Variants in ZBBX observed in about 807,000 individuals in gnomAD.
ZBBX encodes zinc finger B-box domain-containing protein 1.
ZBBX carries 101 observed loss-of-function variants against 108.5 expected under a neutral mutation model. The observed-to-expected ratio is 0.93, with a 90% CI of 0.79 to 1.10. The LOEUF is 1.10. Among genes scored for constraint, ZBBX ranks in the 50% least tolerant of loss-of-function variants. The probability of loss-of-function intolerance (pLI) is 0.00; values close to 1 mark genes in which losing one functional copy is unlikely to be tolerated. For synonymous variants in ZBBX, 356 were observed against 323.4 expected (o/e 1.10, Z -1.08); for missense variants, 1,009 against 941.4 (o/e 1.07, Z -0.94).
In ZBBX at chr3:167,350,490, T is replaced by C; in HGVS notation, c.458A>G (p.Tyr153Cys). The C allele has an allele frequency of 6.3e-7, 1 of 1,591,360 alleles. No homozygotes were observed. Reference sequence around the variant, plus strand: ...AACTTTAGCAAAGCATCCTGAACAATAATCTTCTCCACATTCAAGGCATAC... The same window carrying C: ...AACTTTAGCAAAGCATCCTGAACAACAATCTTCTCCACATTCAAGGCATAC... ...LLVCLECGED[Y>C]CSGCFAKVHQ... Residue 153 changes from tyrosine to cysteine, a missense_variant, in exon 9 of 22, where the codon TAT (tyrosine) becomes TGT (cysteine). Tyr to Cys is a radical substitution (Grantham distance 194, BLOSUM62 -2). Transcript: ENST00000675490.
chr3:167,316,878 G>A, intron 14 of ZBBX, 127 bp downstream of exon 14: 1 of 515,636 alleles, frequency 1.9e-6, no homozygotes, highest in Non-Finnish European at 3.3e-6. Context: ...CCAAACACTT[G>A]TAAATTTCCT....
intron 20 of ZBBX, 21 bp downstream of exon 20, chr3:167,282,217 T>C: frequency 6.3e-7 from 1 of 1,587,986 alleles, no homozygotes; most frequent in Non-Finnish European, 8.6e-7. Flanking sequence ...TTATCTAAAG[T>C]GAAAAAAAAA....
At chr3:167,186,425 G>T in the ZBBX span, among the ~76,000 whole-genome samples, 1 of 152,096 alleles carries the variant, frequency 6.6e-6, no homozygotes, top group East Asian at 1.9e-4. Flanking sequence ...AGAGAGGGAA[G>T]AAGGGATGGA....
chr3:167,305,737 T>A lies in ZBBX; in HGVS notation c.1631A>T (p.Glu544Val), dbSNP rs747876325. 6.2e-7 allele frequency: 1 copy of A among 1,612,420 alleles called. No individual in the cohort carries two copies. The highest frequency in any genetic ancestry group is 8.5e-7 in the Non-Finnish European group (1 of 1,179,328). ...TTCTTTGATGTCTTGAGATAATTTC[T>A]CCTCAATGGGAGCTTTTTCTAAATC... ...GRDLEKAPIE[E>V]KLSQDIKESL... Residue 544 changes from glutamate (E) to valine (V), a missense_variant, in exon 17 of 22, where the codon GAG becomes GTG. By Grantham distance (121) the Glu-to-Val change is moderately radical. Transcript: ENST00000675490.
chr3:167,358,138 G>C (rs1466599813), intron 8 of ZBBX, among the ~76,000 whole-genome samples: 6 of 151,364 alleles, frequency 4.0e-5, no homozygotes, highest in Non-Finnish European at 8.8e-5. Flanking sequence ...TGCACATTGT[G>C]CACATGTACC....
chr3:167,397,574 G>A (rs934648814), intron 1 of ZBBX, among the ~76,000 whole-genome samples: 2 of 151,864 alleles, frequency 1.3e-5, no homozygotes, highest in Non-Finnish European at 2.9e-5. Flanking sequence ...TGACCAGCAA[G>A]AAGTCAGAGG....
At chr3:167,219,301 C>A in the ZBBX span, among the ~76,000 whole-genome samples, 8 of 151,910 alleles carry the variant, frequency 5.3e-5, no homozygotes, top group African/African-American at 1.7e-4. Context: ...TTACGGAACA[C>A]TTTATCCAAA....
At chr3:167,291,025 C>T (rs565860612) in intron 18 of ZBBX, among the ~76,000 whole-genome samples, 10 of 152,002 alleles carry the variant, frequency 6.6e-5, no homozygotes, top group Admixed American at 3.9e-4. Flanking sequence ...GTGAAAGAAA[C>T]GAACAAAGCC....
chr3:167,275,875 C>T (rs1303110114), intron 20 of ZBBX, among the ~76,000 whole-genome samples: 1 of 152,204 alleles, frequency 6.6e-6, no homozygotes, highest in Admixed American at 6.5e-5. Flanking sequence ...ACTTAAATGT[C>T]CCTGTCTGGC....
the ZBBX span, among the ~76,000 whole-genome samples, chr3:167,191,649 C>T: frequency 6.6e-6 from 1 of 151,934 alleles, no homozygotes; most frequent in Non-Finnish European, 1.5e-5. Flanking sequence ...AGTGTGAAGC[C>T]TCCCCAGCCA....
chr3:167,311,055 T>G (rs1203201783), intron 16 of ZBBX, among the ~76,000 whole-genome samples: 4 of 152,120 alleles, frequency 2.6e-5, no homozygotes, highest in Non-Finnish European at 4.4e-5. Context: ...ACATCAAGAT[T>G]ACTATAAATC....
intron 2 of ZBBX, among the ~76,000 whole-genome samples, chr3:167,374,003 C>T (rs1033661110): frequency 2.6e-5 from 4 of 152,124 alleles, no homozygotes; most frequent in Admixed American, 6.6e-5. Flanking sequence ...CAAACTAAAG[C>T]ACATATTCTG....
intron 11 of ZBBX, among the ~76,000 whole-genome samples, chr3:167,323,911 A>T (rs1302461237): frequency 6.6e-6 from 1 of 152,124 alleles, no homozygotes; most frequent in Admixed American, 6.6e-5. Context: ...CCTGCCTTTC[A>T]CATAGAAGGA....
chr3:167,246,679 T>C (rs1721623276), intron 20 of ZBBX, among the ~76,000 whole-genome samples: 1 of 152,252 alleles, frequency 6.6e-6, no homozygotes, highest in Non-Finnish European at 1.5e-5. Flanking sequence ...AAGTAAATGC[T>C]TTAAAGTGCA....
chr3:167,390,118 T>C (rs2108636426), intron 1 of ZBBX, among the ~76,000 whole-genome samples: 1 of 152,302 alleles, frequency 6.6e-6, no homozygotes, highest in African/African-American at 2.4e-5. Flanking sequence ...AAGTCTTTAA[T>C]CCATCTTGAG....
chr3:167,210,411 A>G, the ZBBX span, among the ~76,000 whole-genome samples: 13 of 152,210 alleles, frequency 8.5e-5, no homozygotes, highest in African/African-American at 2.9e-4. Flanking sequence ...TGTAAGACCT[A>G]GAAAACACTC....
intron 1 of ZBBX, among the ~76,000 whole-genome samples, chr3:167,385,962 C>CT (rs1448558935): frequency 6.6e-6 from 1 of 152,040 alleles, no homozygotes; most frequent in Non-Finnish European, 1.5e-5. Context: ...TGCCAACAAT[C>CT]TGTCAGTCTT....
At chr3:167,236,048 AT>A (rs1331734641), downstream of ZBBX, among the ~76,000 whole-genome samples, 1 of 151,794 alleles carries the variant, frequency 6.6e-6, no homozygotes, top group African/African-American at 2.4e-5. Flanking sequence ...CATAAATAGT[AT>A]ATACGTTTTT....
At chr3:167,347,390 A>T (rs1015138228) in intron 9 of ZBBX, among the ~76,000 whole-genome samples, 8 of 151,934 alleles carry the variant, frequency 5.3e-5, no homozygotes, top group African/African-American at 1.9e-4. Flanking sequence ...AAAAAATGGA[A>T]TATTATTCAG....
Sources: allele counts gnomAD v4.1 joint callset (sites outside exome capture counted in the v4.1 genomes callset), GRCh38; gene constraint gnomAD v4.1.1; transcripts MANE v1.5; gene names NCBI Gene and HGNC (gene_info 2026-07-23, HGNC 2026-07-21).